NECTIN3: variants seen among roughly 807,000 people sequenced by gnomAD.
NECTIN3 encodes nectin cell adhesion molecule 3.
A neutral mutation model predicts 49.4 loss-of-function variants in NECTIN3; 8 were observed. The ratio of observed to expected loss-of-function variants is 0.16; its 90% CI spans 0.10 to 0.29. The LOEUF is 0.29. Among genes scored for constraint, NECTIN3 ranks in the 10% least tolerant of loss-of-function variants. The pLI is 1.00. For synonymous variants in NECTIN3, 277 were observed against 241.1 expected (o/e 1.15, Z -1.38); for missense variants, 581 against 654.6 (o/e 0.89, Z 1.23).
At chr3:111,141,514 A>G (rs1482787974), downstream of NECTIN3, among the ~76,000 whole-genome samples, 2 of 151,976 alleles carry the variant, frequency 1.3e-5, no homozygotes, top group Non-Finnish European at 2.9e-5. Flanking sequence ...AAAAGTAATG[A>G]AAGTCATTTC....
At chr3:111,104,879 T>C (rs926979482) in intron 1 of NECTIN3, among the ~76,000 whole-genome samples, 5 of 152,170 alleles carry the variant, frequency 3.3e-5, no homozygotes, top group African/African-American at 1.2e-4. Context: ...AGATAAATTT[T>C]AGAACAACTT....
intron 2 of NECTIN3, among the ~76,000 whole-genome samples, chr3:111,115,514 T>A (rs1170740180): frequency 6.6e-6 from 1 of 152,216 alleles, no homozygotes; most frequent in Non-Finnish European, 1.5e-5. Context: ...GAATTTCAGA[T>A]CCCTCTTAGG....
At chr3:111,147,514 T>C (rs1399289971) in intron 7 of NECTIN3, 4 of 1,432,650 alleles carry the variant, frequency 2.8e-6, no homozygotes, top group Non-Finnish European at 3.8e-6. Context: ...CTTAAGATAA[T>C]GTAAGATACA....
rs188232450 is a variant in NECTIN3 at position 111,076,056 on chromosome 3, A to T, written c.160+3879A>T. On this transcript the variant is annotated intron_variant, in intron 1 of 5. Transcript: ENST00000485303. ...AAATCTTCCTTTCTTGCAGTTATCT[A>T]CAACATCAGAAATAATAATTGGAAA... Among the ~76,000 whole-genome samples, 3 of 152,260 alleles carry T rather than the reference A, an allele frequency of 2.0e-5. No homozygotes were observed. In the East Asian group the frequency reaches 5.8e-4, roughly 29 times the overall value.
chr3:111,162,087 C>G (rs1037814353), intron 7 of NECTIN3, among the ~76,000 whole-genome samples: 6 of 152,108 alleles, frequency 3.9e-5, no homozygotes, highest in Admixed American at 3.9e-4. Flanking sequence ...CTTGTAGATT[C>G]TTAAGGTTTA....
Position 111,137,096 on chromosome 3 carries a change from T to C in NECTIN3, c.*2881T>C, listed in dbSNP as rs1002614811. On this transcript the variant is annotated 3_prime_UTR_variant, in exon 6 of 6. Coordinates refer to ENST00000485303, the MANE Select transcript of NECTIN3 (RefSeq NM_015480.3). ...GCATTAAGGAGCTGTAGGAGTACAG[T>C]GTATAAGTACAGAAATTGAGAGAAA... is the stretch of plus-strand genomic sequence containing the variant. 1.0e-6 allele frequency: 1 copy of C among 983,158 alleles called. No individual in the cohort carries two copies. Among genetic ancestry groups the C allele is most frequent in the South Asian group, 4.7e-5 (1 of 21,254 alleles). 60.9% of individuals were successfully genotyped at this position (983,158 alleles called of 1,614,324 possible).
At chr3:111,177,331 A>G (rs1252225653) in intron 7 of NECTIN3, among the ~76,000 whole-genome samples, 2 of 152,170 alleles carry the variant, frequency 1.3e-5, no homozygotes, top group African/African-American at 4.8e-5. Context: ...GAAGACAGCA[A>G]GAAGGAACTT....
chr3:111,165,978 G>A (rs973024776), intron 7 of NECTIN3, among the ~76,000 whole-genome samples: 1 of 152,150 alleles, frequency 6.6e-6, no homozygotes, highest in East Asian at 1.9e-4. Context: ...GGTGCTTCTT[G>A]TATCAGTCAG....
At chr3:111,075,494 A>G (rs947732005) in intron 1 of NECTIN3, among the ~76,000 whole-genome samples, 1 of 152,120 alleles carries the variant, frequency 6.6e-6, no homozygotes, top group Non-Finnish European at 1.5e-5. Flanking sequence ...GAATAGAATA[A>G]AACAATTAGA....
intron 1 of NECTIN3, among the ~76,000 whole-genome samples, chr3:111,105,715 C>T (rs2033150930): frequency 6.6e-6 from 1 of 152,072 alleles, no homozygotes; most frequent in Non-Finnish European, 1.5e-5. Context: ...TGGCTAGAAC[C>T]TTCAGTACAA....
At chr3:111,097,528 A>G (rs1040058090) in intron 1 of NECTIN3, among the ~76,000 whole-genome samples, 1 of 152,128 alleles carries the variant, frequency 6.6e-6, no homozygotes, top group African/African-American at 2.4e-5. Flanking sequence ...CTGTGTCCCC[A>G]CCCAAATCTC....
chr3:111,157,737 G>A (rs1173599351), intron 7 of NECTIN3, among the ~76,000 whole-genome samples: 3 of 151,966 alleles, frequency 2.0e-5, no homozygotes, highest in African/African-American at 7.2e-5. Flanking sequence ...TTCTGCATTG[G>A]GAATAAAGTT....
chr3:111,117,627 G>C (rs1478994462), intron 2 of NECTIN3, among the ~76,000 whole-genome samples: 1 of 151,486 alleles, frequency 6.6e-6, no homozygotes, highest in East Asian at 1.9e-4. Flanking sequence ...AGTAAAATAT[G>C]AAACAAAAAT....
chr3:111,096,122 A>G (rs1311000949), intron 1 of NECTIN3, among the ~76,000 whole-genome samples: 1 of 152,168 alleles, frequency 6.6e-6, no homozygotes, highest in Non-Finnish European at 1.5e-5. Context: ...AATGCTGATA[A>G]TATGGACAGT....
At chr3:111,072,545 T>C in intron 1 of NECTIN3, 1 of 1,535,806 alleles carries the variant, frequency 6.5e-7, no homozygotes, top group Non-Finnish European at 8.7e-7. Context: ...GTTTGCCGCT[T>C]TTTTTCCCGG....
At chr3:111,161,702 G>A (rs1416424187) in intron 7 of NECTIN3, among the ~76,000 whole-genome samples, 1 of 152,134 alleles carries the variant, frequency 6.6e-6, no homozygotes, top group Non-Finnish European at 1.5e-5. Flanking sequence ...CCTGTACCCT[G>A]CTCCATGGAA....
intron 1 of NECTIN3, among the ~76,000 whole-genome samples, chr3:111,094,290 C>G (rs2032459504): frequency 6.6e-6 from 1 of 151,914 alleles, no homozygotes; most frequent in African/African-American, 2.4e-5. Context: ...AATATTTCAC[C>G]CATAGGCATA....
At chr3:111,074,163 A>G in intron 1 of NECTIN3, 1 of 450,300 alleles carries the variant, frequency 2.2e-6, no homozygotes, top group South Asian at 1.6e-5. Flanking sequence ...TTTTCCATCA[A>G]CCTTTATTTT....
At chr3:111,104,480 C>G (rs1168594394) in intron 1 of NECTIN3, among the ~76,000 whole-genome samples, 1 of 151,916 alleles carries the variant, frequency 6.6e-6, no homozygotes, top group Non-Finnish European at 1.5e-5. Context: ...ACCAACACGT[C>G]TGGCTAATTT....
Sources: gnomAD v4.1 joint callset for allele counts (sites outside exome capture counted in the v4.1 genomes callset) on GRCh38, gnomAD v4.1.1 for gene constraint, MANE v1.5 for transcripts, NCBI Gene and HGNC (gene_info 2026-07-23, HGNC 2026-07-21) for gene names.